LNPEP: variants seen among roughly 807,000 people sequenced by gnomAD.
LNPEP encodes the protein leucyl-cystinyl aminopeptidase.
A neutral mutation model predicts 120.6 loss-of-function variants in LNPEP; 64 were observed. The ratio of observed to expected loss-of-function variants is 0.53; its 90% CI spans 0.43 to 0.65. LNPEP has a LOEUF of 0.65. Ranked by LOEUF, LNPEP falls within the 30% of genes least tolerant of loss-of-function variation. The pLI is 0.00. For missense variants in LNPEP, 1,057 were observed against 1,200.0 expected (o/e 0.88, Z 1.76); for synonymous variants, 435 against 425.4 (o/e 1.02, Z -0.28).
Position 97,026,516 on chromosome 5 carries a change from A to C in LNPEP, c.2724-101A>C, listed in dbSNP as rs1459212107. The stretch of plus-strand genomic sequence containing the variant: ...TGCAACAGTTATTTCTCAATTTGCT[A>C]CACAGCTTTAATTAGGAAACCATAC... On this transcript the variant is annotated intron_variant, in intron 15 of 17. Transcript: ENST00000231368. 1.1e-5 allele frequency: 10 copies of C among 870,874 alleles called. No homozygotes were observed. In the African/African-American group the frequency reaches 1.4e-4, roughly 12 times the overall value. The allele number at this position is 870,874 out of a possible 1,614,324, so 53.9% of individuals were successfully genotyped here. A position where few individuals can be genotyped will look rare whatever the true frequency, so the allele number is the denominator to read the frequency against.
chr5:96,979,784 G>A lies in LNPEP; in HGVS notation c.666G>A (p.Met222Ile). ...ATAATATTTCAAGAGTGACCTTTAT[G>A]TCAGCAGTTTCAAGCCAAGAAAAAC... is the stretch of plus-strand genomic sequence containing the variant. ...TGHNISRVTF[M>I]SAVSSQEKQA... The change falls in exon 2 of 18, where the codon ATG becomes ATA. Residue 222 changes from methionine (M) to isoleucine (I), a missense_variant. Transcript: ENST00000231368. 1 of 1,613,970 alleles carries A rather than the reference G, an allele frequency of 6.2e-7. No homozygotes were observed. Among genetic ancestry groups the A allele is most frequent in the Non-Finnish European group, 8.5e-7 (1 of 1,179,918 alleles).
At chr5:97,020,468 A>C (rs1212474441) in intron 13 of LNPEP, among the ~76,000 whole-genome samples, 1 of 151,574 alleles carries the variant, frequency 6.6e-6, no homozygotes, top group Non-Finnish European at 1.5e-5. Context: ...AATTTTTTTC[A>C]TTTTGGTCCT....
intron 2 of LNPEP, 91 bp downstream of exon 2, chr5:96,980,069 A>ATTT: frequency 1.9e-6 from 2 of 1,073,274 alleles, no homozygotes; most frequent in Non-Finnish European, 2.6e-6. Flanking sequence ...ACGAATTGTG[A>ATTT]TTTTTTTTTT....
intron 4 of LNPEP, among the ~76,000 whole-genome samples, chr5:96,991,254 A>G (rs1246052886): frequency 6.6e-6 from 1 of 152,156 alleles, no homozygotes; most frequent in Non-Finnish European, 1.5e-5. Context: ...ATTCCTTTCT[A>G]TGGCTGAGTA....
chr5:96,949,235 A>C (rs1472214550), intron 1 of LNPEP, among the ~76,000 whole-genome samples: 1 of 152,212 alleles, frequency 6.6e-6, no homozygotes, highest in Non-Finnish European at 1.5e-5. Context: ...CCCAATTTGC[A>C]TGTCAAGGAC....
At chr5:97,007,747 T>C (rs1384542561) in intron 11 of LNPEP, among the ~76,000 whole-genome samples, 1 of 152,208 alleles carries the variant, frequency 6.6e-6, no homozygotes, top group Non-Finnish European at 1.5e-5. Flanking sequence ...GATTCACCAT[T>C]TGTTGTTATA....
At chr5:96,990,182 T>C (rs1790359211) in intron 4 of LNPEP, among the ~76,000 whole-genome samples, 1 of 152,190 alleles carries the variant, frequency 6.6e-6, no homozygotes, top group African/African-American at 2.4e-5. Flanking sequence ...AGCTGAAGAT[T>C]TAAAAATTGT....
intron 1 of LNPEP, among the ~76,000 whole-genome samples, chr5:96,955,343 G>A (rs997963704): frequency 9.9e-5 from 15 of 151,956 alleles, no homozygotes; most frequent in African/African-American, 3.1e-4. Context: ...GGCTGGACGC[G>A]GTGGCTCATG....
rs1003807844 is a variant in LNPEP, at chr5:97,035,153, T to G, written c.*6620T>G. On this transcript the variant is annotated 3_prime_UTR_variant, in exon 18 of 18. Transcript: ENST00000231368. ...ATAGTTTCATATCTTGGGTTTTTTA[T>G]TGTTTAATTTTTTTTTATGGGGAGG... 2.0e-5 allele frequency: 3 copies of G among 152,092 alleles called. No homozygotes were observed. The highest frequency in any genetic ancestry group is 7.2e-5 in the African/African-American group (3 of 41,436). The allele number at this position is 152,092 out of a possible 1,614,324, so 9.4% of individuals were successfully genotyped here. A position where few individuals can be genotyped will look rare whatever the true frequency, so the allele number is the denominator to read the frequency against.
At chr5:96,959,933 CTTT>C (rs11316262) in intron 1 of LNPEP, among the ~76,000 whole-genome samples, 35 of 113,160 alleles carry the variant, frequency 3.1e-4, no homozygotes, top group African/African-American at 1.1e-3. Flanking sequence ...TAAAATTTAT[CTTT>C]TTTTTTTTTT....
chr5:96,970,848 TA>T (rs1789843950), intron 1 of LNPEP, among the ~76,000 whole-genome samples: 1 of 152,046 alleles, frequency 6.6e-6, no homozygotes, highest in Non-Finnish European at 1.5e-5. Context: ...TGTTGTCTTT[TA>T]TTTTTTGGTT....
chr5:96,967,147 A>G (rs1789746269), intron 1 of LNPEP, among the ~76,000 whole-genome samples: 1 of 152,100 alleles, frequency 6.6e-6, no homozygotes, highest in Non-Finnish European at 1.5e-5. Context: ...CTTCTAAGAC[A>G]TTTGTCAAAT....
At chr5:97,005,938 T>C in intron 9 of LNPEP, 135 bp from the exon 10 acceptor site, 1 of 229,058 alleles carries the variant, frequency 4.4e-6, no homozygotes, top group Middle Eastern at 1.6e-3. Flanking sequence ...TTCTTTTTTA[T>C]ATTAACATTA....
chr5:96,988,620 A>T (rs920454633), intron 4 of LNPEP, among the ~76,000 whole-genome samples: 6 of 151,556 alleles, frequency 4.0e-5, no homozygotes, highest in African/African-American at 1.2e-4. Context: ...TTTTTTAAAA[A>T]TTTTTTTAGT....
At chr5:97,012,612 T>TA (rs1489443270) in intron 11 of LNPEP, among the ~76,000 whole-genome samples, 1 of 152,202 alleles carries the variant, frequency 6.6e-6, no homozygotes, top group Non-Finnish European at 1.5e-5. Context: ...TAAATAATAG[T>TA]AAACCTCAAG....
chr5:96,971,908 G>A (rs7700332), intron 1 of LNPEP, among the ~76,000 whole-genome samples: 75,813 of 151,586 alleles, frequency 0.5, 19,148 homozygotes, highest in African/African-American at 0.58. Flanking sequence ...TATTTATAAT[G>A]GCTACTCTAA....
chr5:96,985,257 G>A lies in LNPEP; in HGVS notation c.999+39G>A. On this transcript the variant is annotated intron_variant, in intron 3 of 17. Transcript: ENST00000231368. ...CCTTGAATGTAAAAATCTTTGAATG[G>A]GTCTCTTTCTTTAAGAACACTTAAA... is the stretch of plus-strand genomic sequence containing the variant. The A allele has an allele frequency of 1.9e-6, 3 of 1,544,268 alleles. No homozygotes were observed. In the South Asian group the frequency reaches 3.7e-5, roughly 19 times the overall value.
In LNPEP at chr5:97,014,959, A is replaced by G; in HGVS notation, c.2240A>G (p.Lys747Arg). ...ELAGLGKVPL[K>R]RAFDLINYLG... ...TTTAGCCTAGGCAAGGTACCTCTCA[A>G]GAGGGCCTTTGATTTGATTAATTAT... is the stretch of plus-strand genomic sequence containing the variant. Residue 747 changes from lysine (K) to arginine (R), a missense_variant, in exon 13 of 18, where the codon AAG becomes AGG. By Grantham distance (26) the Lys-to-Arg change is conservative (BLOSUM62 2). Coordinates refer to ENST00000231368, the MANE Select transcript of LNPEP (RefSeq NM_005575.3). The G allele has an allele frequency of 6.3e-7, 1 of 1,578,426 alleles. No homozygotes were observed. The highest frequency in any genetic ancestry group is 8.6e-7 in the Non-Finnish European group (1 of 1,163,698).
Position 96,979,670 on chromosome 5 carries a change from C to A in LNPEP, c.552C>A (p.Asn184Lys). The A allele has an allele frequency of 6.2e-7, 1 of 1,614,112 alleles. No individual in the cohort carries two copies. Among genetic ancestry groups the A allele is most frequent in the Non-Finnish European group, 8.5e-7 (1 of 1,179,968 alleles). The change falls in exon 2 of 18, where the codon AAC (asparagine) becomes AAA (lysine). Residue 184 changes from asparagine (N) to lysine (K), a missense_variant. By Grantham distance (94) the Asn-to-Lys change is moderately conservative (BLOSUM62 0). Coordinates refer to ENST00000231368, the MANE Select transcript of LNPEP (RefSeq NM_005575.3). ...GCTATGAACTCAGCCTACACCCGAA[C>A]CTAACCTCGATGACATTCAGGGGTT... is the stretch of plus-strand genomic sequence containing the variant. ...PLRYELSLHP[N>K]LTSMTFRGSV...
Sources: gnomAD v4.1 joint callset for allele counts (sites outside exome capture counted in the v4.1 genomes callset) on GRCh38, gnomAD v4.1.1 for gene constraint, MANE v1.5 for transcripts, NCBI Gene and HGNC (gene_info 2026-07-23, HGNC 2026-07-21) for gene names.